PTPRT: variants seen among roughly 807,000 people sequenced by gnomAD.
The protein encoded by PTPRT is receptor-type tyrosine-protein phosphatase T.
A neutral mutation model predicts 176.8 loss-of-function variants in PTPRT; 56 were observed. The observed-to-expected ratio is 0.32, with a 90% CI of 0.26 to 0.40. PTPRT has a LOEUF of 0.40. Among genes scored for constraint, PTPRT ranks in the 10% least tolerant of loss-of-function variants. The probability of loss-of-function intolerance (pLI) is 1.00; values close to 1 mark genes in which losing one functional copy is unlikely to be tolerated. For synonymous variants in PTPRT, 783 were observed against 739.0 expected, an observed-to-expected ratio of 1.06 and a Z score of -0.96; for missense variants, 1,540 against 1,908.2, an observed-to-expected ratio of 0.81 and a Z score of 3.60.
intron 7 of PTPRT, among the ~76,000 whole-genome samples, chr20:42,600,822 T>A (rs1469482576): frequency 6.6e-6 from 1 of 152,218 alleles, no homozygotes; most frequent in African/African-American, 2.4e-5. Flanking sequence ...TTCCATGGTA[T>A]ATATGCAACA....
chr20:43,087,363 CTTTTTTT>C (rs1207811758), intron 1 of PTPRT, among the ~76,000 whole-genome samples: 24 of 50,376 alleles, frequency 4.8e-4, no homozygotes, highest in African/African-American at 1.0e-3. Flanking sequence ...ACTGTCCGTC[CTTTTTTT>C]TTTTTTTTTT....
chr20:42,388,515 A>G (rs2058766968), intron 9 of PTPRT, among the ~76,000 whole-genome samples: 1 of 152,266 alleles, frequency 6.6e-6, no homozygotes, highest in East Asian at 1.9e-4. Flanking sequence ...GCCAACAGGC[A>G]CATGAAAAAA....
At chr20:42,836,204 C>T (rs957890316) in intron 2 of PTPRT, among the ~76,000 whole-genome samples, 1 of 152,084 alleles carries the variant, frequency 6.6e-6, no homozygotes, top group African/African-American at 2.4e-5. Context: ...GCCAGGAGCC[C>T]CTCCTCTCCC....
At chr20:42,184,501 TTCCTCCTCC>T (rs754187865) in intron 16 of PTPRT, among the ~76,000 whole-genome samples, 2 of 85,040 alleles carry the variant, frequency 2.4e-5, no homozygotes, top group African/African-American at 8.8e-5. Flanking sequence ...TCCTCCCCCC[TTCCTCCTCC>T]TCCTCCTCCT....
chr20:43,092,830 T>C (rs983540147), intron 1 of PTPRT, among the ~76,000 whole-genome samples: 1 of 152,090 alleles, frequency 6.6e-6, no homozygotes, highest in African/African-American at 2.4e-5. Context: ...TGACGAGAAA[T>C]AAAACCTTCC....
At chr20:42,271,108 A>T (rs2056926732) in intron 13 of PTPRT, among the ~76,000 whole-genome samples, 1 of 152,096 alleles carries the variant, frequency 6.6e-6, no homozygotes, top group Non-Finnish European at 1.5e-5. Context: ...GTTGTCCCCA[A>T]GGTAAACTTC....
intron 1 of PTPRT, among the ~76,000 whole-genome samples, chr20:42,962,063 A>G (rs1982013502): frequency 6.6e-6 from 1 of 152,238 alleles, no homozygotes; most frequent in African/African-American, 2.4e-5. Context: ...TCTGACCTCC[A>G]GAGCTGTAAG....
intron 12 of PTPRT, among the ~76,000 whole-genome samples, chr20:42,303,422 A>G (rs1030424835): frequency 6.6e-6 from 1 of 151,968 alleles, no homozygotes; most frequent in African/African-American, 2.4e-5. Flanking sequence ...GGGATTTGGG[A>G]CCCTCCTGGT....
intron 2 of PTPRT, among the ~76,000 whole-genome samples, chr20:42,826,944 G>C (rs1465298827): frequency 6.6e-6 from 1 of 152,008 alleles, no homozygotes; most frequent in Non-Finnish European, 1.5e-5. Context: ...TCCAGCCAAA[G>C]ATCAAAAAAG....
intron 1 of PTPRT, among the ~76,000 whole-genome samples, chr20:42,954,500 T>A (rs1209929478): frequency 2.0e-5 from 3 of 152,160 alleles, no homozygotes; most frequent in African/African-American, 7.2e-5. Context: ...AGTTTGCCTA[T>A]CAGACAGCTC....
intron 1 of PTPRT, among the ~76,000 whole-genome samples, chr20:43,146,584 C>T (rs1393667879): frequency 6.6e-6 from 1 of 150,902 alleles, no homozygotes; most frequent in East Asian, 1.9e-4. Flanking sequence ...CACCCCAAAA[C>T]ACATAAACTA....
intron 1 of PTPRT, among the ~76,000 whole-genome samples, chr20:43,055,727 A>G (rs1987207039): frequency 6.6e-6 from 1 of 152,240 alleles, no homozygotes; most frequent in African/African-American, 2.4e-5. Context: ...CCTGGTTCTC[A>G]AAGTAAATTA....
chr20:42,084,991 C>CTACT (rs773665117), intron 28 of PTPRT, 146 bp from the exon 29 acceptor site: 26 of 580,052 alleles, frequency 4.5e-5, no homozygotes, highest in Non-Finnish European at 6.2e-5. Flanking sequence ...GTCCCCATGA[C>CTACT]TACTTCTATT....
intron 1 of PTPRT, among the ~76,000 whole-genome samples, chr20:42,908,653 T>C (rs2079508875): frequency 6.6e-6 from 1 of 152,180 alleles, no homozygotes; most frequent in Non-Finnish European, 1.5e-5. Context: ...TCACAAGTCA[T>C]TGTTTATATA....
At chr20:42,197,376 C>CAAAAAAAAAAAAA (rs3086756) in intron 16 of PTPRT, among the ~76,000 whole-genome samples, 1 of 33,316 alleles carries the variant, frequency 3.0e-5, no homozygotes, top group Non-Finnish European at 5.0e-5. Context: ...GAGACTCCAT[C>CAAAAAAAAAAAAA]AAAAAAAAAA....
chr20:42,776,108 T>A (rs1399549308), intron 4 of PTPRT, among the ~76,000 whole-genome samples: 1 of 152,158 alleles, frequency 6.6e-6, no homozygotes, highest in African/African-American at 2.4e-5. Context: ...TACAAATCTG[T>A]GAGTGCACTA....
chr20:42,814,589 C>A (rs1366458746), intron 2 of PTPRT, among the ~76,000 whole-genome samples: 1 of 152,146 alleles, frequency 6.6e-6, no homozygotes, highest in Non-Finnish European at 1.5e-5. Flanking sequence ...GCACTTAAAT[C>A]AGTCCTAGGA....
intron 7 of PTPRT, among the ~76,000 whole-genome samples, chr20:42,477,671 G>A (rs2071314382): frequency 6.6e-6 from 1 of 152,206 alleles, no homozygotes; most frequent in Admixed American, 6.5e-5. Context: ...CAAGCCTAGA[G>A]CCTATGGTTT....
intron 7 of PTPRT, among the ~76,000 whole-genome samples, chr20:42,666,222 G>C (rs2075314431): frequency 2.0e-5 from 3 of 152,090 alleles, no homozygotes; most frequent in Non-Finnish European, 4.4e-5. Context: ...TTCCATACTT[G>C]TAAAGTGCTA....
Sources: allele counts gnomAD v4.1 joint callset (sites outside exome capture counted in the v4.1 genomes callset), GRCh38; gene constraint gnomAD v4.1.1; transcripts MANE v1.5; gene names NCBI Gene and HGNC (gene_info 2026-07-23, HGNC 2026-07-21).